MYO3B: variants seen among roughly 807,000 people sequenced by gnomAD.
MYO3B encodes the protein myosin-IIIb.
Under a neutral mutation model 174.6 loss-of-function variants are expected in MYO3B, and 156 were observed. The observed-to-expected ratio is 0.89, with a 90% CI of 0.78 to 1.02. MYO3B has a LOEUF of 1.02. MYO3B is among the 50% of genes least tolerant of loss of function. MYO3B has a pLI of 0.00. For synonymous variants in MYO3B, 563 were observed against 569.1 expected (o/e 0.99, Z 0.15); for missense variants, 1,632 against 1,639.4 (o/e 1.00, Z 0.08).
intron 8 of MYO3B, chr2:170,337,917 A>AG (rs2093955864): frequency 6.6e-6 from 1 of 152,164 alleles, no homozygotes; most frequent in Non-Finnish European, 1.5e-5. Flanking sequence ...GAATAGGCTG[A>AG]GGGGGAGGAA....
chr2:170,446,147 A>G (rs890056116), intron 23 of MYO3B, among the ~76,000 whole-genome samples: 23 of 152,244 alleles, frequency 1.5e-4, no homozygotes, highest in Admixed American at 1.4e-3. Context: ...GTGAATGACC[A>G]TGAAAGCATT....
At chr2:170,192,274 T>G (rs1477131821) in intron 1 of MYO3B, among the ~76,000 whole-genome samples, 1 of 148,224 alleles carries the variant, frequency 6.7e-6, no homozygotes. Flanking sequence ...ATATGTCTAC[T>G]TAAGTTTTCT....
chr2:170,520,540 A>C (rs1688617486), intron 30 of MYO3B, among the ~76,000 whole-genome samples: 1 of 151,860 alleles, frequency 6.6e-6, no homozygotes, highest in South Asian at 2.1e-4. Flanking sequence ...TTTGGGGGAG[A>C]TATATATATT....
rs1317175921 is a variant in MYO3B at position 170,649,094 on chromosome 2, ATGTATAT to A, written c.3734-2532_3734-2526del. On this transcript the variant is annotated intron_variant, in intron 32 of 34. Transcript: ENST00000408978. ...TATATTATATATAAAATAATATATA[ATGTATAT>A]TATATATAAAATAATATATAATGTA... Among the ~76,000 whole-genome samples, 147 of 66,816 alleles carry A rather than the reference ATGTATAT, an allele frequency of 2.2e-3. 7 individuals carry two copies. Among genetic ancestry groups the A allele is most frequent in the African/African-American group, 0.011 (127 of 11,690 alleles). The allele number at this position is 66,816 out of a possible 152,430, so 43.8% of individuals were successfully genotyped here. A position where few individuals can be genotyped will look rare whatever the true frequency, so the allele number is the denominator to read the frequency against.
intron 7 of MYO3B, among the ~76,000 whole-genome samples, chr2:170,280,038 C>G (rs2093495935): frequency 6.6e-6 from 1 of 152,092 alleles, no homozygotes; most frequent in Admixed American, 6.6e-5. Context: ...AAGGAATAAC[C>G]ATACTGCTTT....
At chr2:170,462,022 T>G (rs1684323277) in intron 23 of MYO3B, among the ~76,000 whole-genome samples, 1 of 152,182 alleles carries the variant, frequency 6.6e-6, no homozygotes, top group Non-Finnish European at 1.5e-5. Flanking sequence ...GAAAGAAACC[T>G]CCAGAGTGGA....
chr2:170,362,925 G>A (rs2094172388), intron 8 of MYO3B, among the ~76,000 whole-genome samples: 2 of 152,200 alleles, frequency 1.3e-5, no homozygotes, highest in East Asian at 1.9e-4. Flanking sequence ...TTGTCTTGCA[G>A]AATGGAAATT....
chr2:170,506,572 A>C (rs2355355), intron 28 of MYO3B, among the ~76,000 whole-genome samples: 102,249 of 152,104 alleles, frequency 0.67, 35,318 homozygotes, highest in East Asian at 0.95. Context: ...GCTTCAAATT[A>C]TCCAACTCCA....
At chr2:170,508,674 T>G (rs113428991) in intron 28 of MYO3B, among the ~76,000 whole-genome samples, 5 of 152,212 alleles carry the variant, frequency 3.3e-5, no homozygotes, top group African/African-American at 1.2e-4. Context: ...TTGGTTTCCA[T>G]CTTGAATATG....
At chr2:170,329,657 G>C (rs535392405) in intron 7 of MYO3B, among the ~76,000 whole-genome samples, 5 of 151,636 alleles carry the variant, frequency 3.3e-5, no homozygotes, top group Admixed American at 6.6e-5. Flanking sequence ...GCCTCCCAAA[G>C]TGCTGGGATT....
chr2:170,470,865 A>G (rs943409128), intron 25 of MYO3B, among the ~76,000 whole-genome samples: 5 of 152,112 alleles, frequency 3.3e-5, no homozygotes, highest in Admixed American at 3.3e-4. Context: ...GGTTATGTGT[A>G]TACCTTCTTT....
At chr2:170,416,459 G>T (rs865809510) in intron 22 of MYO3B, among the ~76,000 whole-genome samples, 1 of 149,526 alleles carries the variant, frequency 6.7e-6, no homozygotes. Context: ...CAGAGTGGAG[G>T]TTGCAGTGAG....
intron 6 of MYO3B, among the ~76,000 whole-genome samples, chr2:170,217,667 C>A (rs977065232): frequency 6.6e-6 from 1 of 152,146 alleles, no homozygotes; most frequent in Non-Finnish European, 1.5e-5. Flanking sequence ...AGGGCCATGT[C>A]TTGGCAAATT....
intron 32 of MYO3B, among the ~76,000 whole-genome samples, chr2:170,547,453 G>A (rs1032415796): frequency 6.6e-6 from 1 of 152,112 alleles, no homozygotes; most frequent in Non-Finnish European, 1.5e-5. Context: ...ACTAATCCAA[G>A]CAGTGAAATT....
At chr2:170,387,648 AATATTTC>A (rs1234538602) in intron 14 of MYO3B, among the ~76,000 whole-genome samples, 2 of 152,312 alleles carry the variant, frequency 1.3e-5, no homozygotes, top group Admixed American at 1.3e-4. Context: ...AGACACCAAG[AATATTTC>A]ACATGTTAAT....
chr2:170,474,441 C>T (rs954022639), intron 25 of MYO3B, among the ~76,000 whole-genome samples: 4 of 151,734 alleles, frequency 2.6e-5, no homozygotes, highest in African/African-American at 4.8e-5. Flanking sequence ...TAGGCTAAAA[C>T]GATAGGCATC....
intron 24 of MYO3B, among the ~76,000 whole-genome samples, chr2:170,464,819 T>C (rs1367804338): frequency 6.6e-6 from 1 of 152,148 alleles, no homozygotes; most frequent in Non-Finnish European, 1.5e-5. Flanking sequence ...CATCTGTTAG[T>C]CTGTTAGTCC....
chr2:170,401,802 C>CTTTTTTTTTTTT lies in MYO3B; in HGVS notation c.2129+115_2129+126dup, dbSNP rs769531863. Reference sequence around the variant, plus strand: ...CCTCTCTGGGATTTTCTTTCTTTTTCTTTTTTTTTTTTTTTGTGGAGTCAG... The same window carrying CTTTTTTTTTTTT: ...CCTCTCTGGGATTTTCTTTCTTTTTCTTTTTTTTTTTTTTTTTTTTTTTTTTTGTGGAGTCAG... On this transcript the variant is annotated intron_variant, in intron 18 of 34. Coordinates refer to ENST00000408978, the MANE Select transcript of MYO3B (RefSeq NM_138995.5). The CTTTTTTTTTTTT allele has an allele frequency of 9.3e-5, 65 of 699,510 alleles. 2 individuals carry two copies. The highest frequency in any genetic ancestry group is 1.3e-4 in the Admixed American group (4 of 31,200). 43.3% of individuals were successfully genotyped at this position (699,510 alleles called of 1,614,324 possible).
At chr2:170,440,733 A>G (rs749283316) in intron 22 of MYO3B, among the ~76,000 whole-genome samples, 3 of 150,700 alleles carry the variant, frequency 2.0e-5, no homozygotes, top group Non-Finnish European at 4.4e-5. Flanking sequence ...AGCCAGGGCA[A>G]CAGAGTGAGA....
Sources: allele counts gnomAD v4.1 joint callset (sites outside exome capture counted in the v4.1 genomes callset), GRCh38; gene constraint gnomAD v4.1.1; transcripts MANE v1.5; gene names NCBI Gene and HGNC (gene_info 2026-07-23, HGNC 2026-07-21).